DNAJC11: variants seen among roughly 807,000 people sequenced by gnomAD.
DNAJC11 encodes the protein DnaJ heat shock protein family (Hsp40) member C11, also known as dnaJ homolog subfamily C member 11.
DNAJC11 carries 15 observed loss-of-function variants against 78.6 expected under a neutral mutation model. That is an observed-to-expected ratio of 0.19 (90% CI 0.13 to 0.29). The LOEUF (loss-of-function observed/expected upper bound fraction) is 0.29. DNAJC11 is among the 10% of genes least tolerant of loss of function. The pLI is 1.00. For missense variants in DNAJC11, 547 were observed against 709.6 expected (o/e 0.77, Z 2.60); for synonymous variants, 292 against 272.1 (o/e 1.07, Z -0.72).
At chr1:6,671,351 T>C (rs1352911887) in intron 3 of DNAJC11, among the ~76,000 whole-genome samples, 1 of 152,230 alleles carries the variant, frequency 6.6e-6, no homozygotes, top group Admixed American at 6.5e-5. Flanking sequence ...CACACCATTC[T>C]CCTGCCTTAG....
chr1:6,651,130 A>C (rs1420849752), intron 7 of DNAJC11: 1 of 537,478 alleles, frequency 1.9e-6, no homozygotes, highest in Non-Finnish European at 3.8e-6. Context: ...GCTGGGGACT[A>C]CATCTCTGGC....
intron 3 of DNAJC11, among the ~76,000 whole-genome samples, chr1:6,672,488 C>T (rs1274796205): frequency 6.6e-6 from 1 of 152,176 alleles, no homozygotes; most frequent in African/African-American, 2.4e-5. Context: ...TGATGAATTA[C>T]GAACGCAAAT....
chr1:6,674,359 G>A (rs1642427468), intron 3 of DNAJC11, among the ~76,000 whole-genome samples: 1 of 151,982 alleles, frequency 6.6e-6, no homozygotes, highest in African/African-American at 2.4e-5. Context: ...TCAGGAGTTC[G>A]AGACCAGCTT....
chr1:6,686,807 A>T (rs1642664067), intron 1 of DNAJC11, among the ~76,000 whole-genome samples: 1 of 152,266 alleles, frequency 6.6e-6, no homozygotes, highest in Non-Finnish European at 1.5e-5. Context: ...ATAACACCTC[A>T]TATTTATATT....
intron 4 of DNAJC11, among the ~76,000 whole-genome samples, chr1:6,662,950 C>T (rs1028348846): frequency 1.1e-4 from 16 of 152,132 alleles, no homozygotes; most frequent in African/African-American, 2.2e-4. Flanking sequence ...TAACACTCAC[C>T]GCGAAGGTCC....
At chr1:6,636,321 G>A (rs1170472161) in intron 14 of DNAJC11, 75 bp from the exon 15 acceptor site, 18 of 1,573,026 alleles carry the variant, frequency 1.1e-5, no homozygotes, top group Non-Finnish European at 1.6e-5. Flanking sequence ...ACCACCGGAG[G>A]GGCAGTGTGC....
Position 6,671,481 on chromosome 1 carries a change from C to A in DNAJC11, c.277-3671G>T, listed in dbSNP as rs185888328. On this transcript the variant is annotated intron_variant, in intron 3 of 15. Transcript: ENST00000377577. ...TTGATCTCCTGACCTCATGATCCGC[C>A]TGCCTTGGCCTCCCAAAGTGCTGGA... Among the ~76,000 whole-genome samples, 634 of 151,194 alleles carry A rather than the reference C, an allele frequency of 4.2e-3. 6 individuals are homozygous for A. Among genetic ancestry groups the A allele is most frequent in the African/African-American group, 0.015 (599 of 41,104 alleles).
rs557295822 is a variant in DNAJC11 at position 6,636,347 on chromosome 1, C to G, written c.1525-101G>C. On this transcript the variant is annotated intron_variant, in intron 14 of 15. Coordinates refer to ENST00000377577, the MANE Select transcript of DNAJC11 (RefSeq NM_018198.4). ...GGCAGTGTGCACAGGCTCTGACATT[C>G]CCTGGGGAGATGCAAACTTTGGGGC... 13 of 1,481,894 alleles carry G rather than the reference C, an allele frequency of 8.8e-6. No individual in the cohort carries two copies. The African/African-American group carries it at 1.1e-4, about 13-fold the overall frequency. 91.8% of individuals were successfully genotyped at this position (1,481,894 alleles called of 1,614,324 possible). A position where few individuals can be genotyped will look rare whatever the true frequency, so the allele number is the denominator to read the frequency against.
chr1:6,641,944 T>TG (rs551331372), intron 10 of DNAJC11, among the ~76,000 whole-genome samples: 116 of 151,704 alleles, frequency 7.6e-4, no homozygotes, highest in Non-Finnish European at 1.2e-3. Context: ...GCAAACATGG[T>TG]GGGGGGGATC....
chr1:6,645,831 G>T lies in DNAJC11; in HGVS notation c.852C>A (p.Ile284=), dbSNP rs752626884. ...AGTGGCTGGTTTTAGTGTCTCGGACGATGCTAGTGTTCATGGCTGACTGGA... is the reference window on the plus strand; with the variant it reads ...AGTGGCTGGTTTTAGTGTCTCGGACTATGCTAGTGTTCATGGCTGACTGGA... ...WGIQSAMNTS[I]VRDTKTSHFT... The change falls in exon 8 of 16, where the codon ATC becomes ATA. Residue 284 remains isoleucine (I), a synonymous_variant. Transcript: ENST00000377577. This position sits in a 1 kb window ranked among gnomAD's most constrained non-coding sequence, Gnocchi z 4.1. The T allele has an allele frequency of 2.5e-6, 4 of 1,614,170 alleles. No individual in the cohort carries two copies. In the South Asian group the frequency reaches 4.4e-5, roughly 18 times the overall value.
intron 10 of DNAJC11, among the ~76,000 whole-genome samples, chr1:6,642,977 G>A (rs1287620857): frequency 1.3e-5 from 2 of 152,166 alleles, no homozygotes; most frequent in Non-Finnish European, 1.5e-5. Context: ...GCCCTGCAGT[G>A]GTGCCTCCAT....
intron 1 of DNAJC11, among the ~76,000 whole-genome samples, chr1:6,686,722 T>C (rs564353539): frequency 1.3e-5 from 2 of 152,358 alleles, no homozygotes; most frequent in East Asian, 3.8e-4. Context: ...GGGTGAACGG[T>C]ACTTATACCT....
At chr1:6,691,755 C>CA (rs1642749239) in intron 1 of DNAJC11, among the ~76,000 whole-genome samples, 2 of 152,204 alleles carry the variant, frequency 1.3e-5, no homozygotes, top group Non-Finnish European at 1.5e-5. Flanking sequence ...ATCCAGCTGT[C>CA]AGATTTTCAT....
chr1:6,650,459 G>A (rs1642037611), intron 7 of DNAJC11, among the ~76,000 whole-genome samples: 3 of 152,048 alleles, frequency 2.0e-5, no homozygotes, highest in Non-Finnish European at 2.9e-5. Flanking sequence ...CTAGTTTTTC[G>A]GGAGGCTGAG....
rs1356465907 is a variant in DNAJC11 at position 6,634,520 on chromosome 1, G to A, written c.*1155C>T. 4 of 1,358,590 alleles carry A rather than the reference G, an allele frequency of 2.9e-6. No individual in the cohort carries two copies. The highest frequency in any genetic ancestry group is 3.9e-6 in the Non-Finnish European group (4 of 1,018,576). 84.2% of individuals were successfully genotyped at this position (1,358,590 alleles called of 1,614,324 possible). ...GCGCAGCTTGGGGCCCCCCGCGCCA[G>A]CTGTCTCAGCCACCACCTGTGCGGC... On this transcript the variant is annotated 3_prime_UTR_variant, in exon 16 of 16. Transcript: ENST00000377577.
chr1:6,643,474 A>T (rs1431527681), intron 10 of DNAJC11, among the ~76,000 whole-genome samples: 9 of 151,890 alleles, frequency 5.9e-5, no homozygotes, highest in Non-Finnish European at 7.4e-5. Context: ...ACGGGGTTTC[A>T]CCGTGTTAGC....
intron 7 of DNAJC11, among the ~76,000 whole-genome samples, chr1:6,648,905 A>G (rs917114239): frequency 2.0e-5 from 3 of 152,162 alleles, no homozygotes; most frequent in African/African-American, 4.8e-5. Context: ...GGTGAATCCA[A>G]TTACGTAGAG....
At position 6,684,087 on chromosome 1, in the gene DNAJC11, T is replaced by C. The variant is rs542263807; in HGVS notation, c.73-3050A>G. Among the ~76,000 whole-genome samples the C allele has an allele frequency of 2.9e-4, 44 of 151,826 alleles. 1 individual carries two copies. Among genetic ancestry groups the C allele is most frequent in the African/African-American group, 8.2e-4 (34 of 41,450 alleles). ...ACGGCCATTACAAATCATTTTCTTT[T>C]TTTTTTTTTTTGAGATGGAGTTTCA... On this transcript the variant is annotated intron_variant, in intron 1 of 15. Transcript: ENST00000377577.
intron 1 of DNAJC11, among the ~76,000 whole-genome samples, chr1:6,699,551 G>T (rs1171154955): frequency 6.6e-6 from 1 of 152,066 alleles, no homozygotes; most frequent in East Asian, 1.9e-4. Context: ...TTCATTTATT[G>T]CTTGACTTCT....
Sources: allele counts gnomAD v4.1 joint callset (sites outside exome capture counted in the v4.1 genomes callset), GRCh38; gene constraint gnomAD v4.1.1; non-coding constraint Gnocchi (gnomAD v3.1); transcripts MANE v1.5; gene names NCBI Gene and HGNC (gene_info 2026-07-23, HGNC 2026-07-21).